The following ANKRD36C variants were observed in gnomAD, a reference collection of about 807,000 sequenced individuals.
ANKRD36C encodes the protein ankyrin repeat domain-containing protein 36C.
In ANKRD36C, 61 loss-of-function variants were observed where a neutral mutation model predicts 276.4. The ratio of observed to expected loss-of-function variants is 0.22; its 90% CI spans 0.18 to 0.27. The LOEUF is 0.27. ANKRD36C is among the 10% of genes least tolerant of loss of function. The pLI is 1.00. For synonymous variants in ANKRD36C, 483 were observed against 680.1 expected, an observed-to-expected ratio of 0.71 and a Z score of 4.51; for missense variants, 1,447 against 2,032.3, an observed-to-expected ratio of 0.71 and a Z score of 5.54.
intron 60 of ANKRD36C, among the ~76,000 whole-genome samples, chr2:95,865,574 G>A (rs1675667839): frequency 6.6e-6 from 1 of 151,988 alleles, no homozygotes; most frequent in African/African-American, 2.4e-5. Flanking sequence ...GAGATATCTT[G>A]GGGATAGGAC....
chr2:95,911,156 T>A (rs1410268720), intron 42 of ANKRD36C, among the ~76,000 whole-genome samples: 1 of 151,500 alleles, frequency 6.6e-6, no homozygotes, highest in African/African-American at 2.4e-5. Flanking sequence ...CACACCCATG[T>A]GGTGTAATAC....
chr2:95,966,724 T>A (rs1198534348), intron 6 of ANKRD36C, among the ~76,000 whole-genome samples: 1 of 152,030 alleles, frequency 6.6e-6, no homozygotes, highest in Non-Finnish European at 1.5e-5. Flanking sequence ...GCTTGATGGG[T>A]ATAGCATTGA....
rs1573824084 is a variant in ANKRD36C at position 95,991,369 on chromosome 2, C to T, written c.197+143G>A. 3 of 814,806 alleles carry T rather than the reference C, an allele frequency of 3.7e-6. No individual in the cohort carries two copies. The East Asian group carries it at 1.0e-4, about 27-fold the overall frequency. The allele number at this position is 814,806 out of a possible 1,614,324, so 50.5% of individuals were successfully genotyped here. A position where few individuals can be genotyped will look rare whatever the true frequency, so the allele number is the denominator to read the frequency against. On this transcript the variant is annotated intron_variant, in intron 1 of 66. Coordinates refer to ENST00000456556, the Ensembl canonical transcript of ANKRD36C. ...CACTCCCCAGGCCCCGCTCCACTCACTCCCACCCCAGCCAGGCACCCCCTA... is the reference window on the plus strand; with the variant it reads ...CACTCCCCAGGCCCCGCTCCACTCATTCCCACCCCAGCCAGGCACCCCCTA...
intron 13 of ANKRD36C, among the ~76,000 whole-genome samples, chr2:95,955,106 C>A (rs1295202576): frequency 6.6e-6 from 1 of 152,146 alleles, no homozygotes; most frequent in African/African-American, 2.4e-5. Flanking sequence ...TTTGTCCTAC[C>A]CTACATGTAC....
At chr2:95,867,287 A>G (rs1425974578) in intron 60 of ANKRD36C, among the ~76,000 whole-genome samples, 153 bp downstream of exon 80, 20 of 152,140 alleles carry the variant, frequency 1.3e-4, no homozygotes, top group Admixed American at 1.2e-3. Context: ...AAGGTACAAG[A>G]TACAGTTGCT....
chr2:95,921,702 TAATAAATA>T, intron 33 of ANKRD36C, 23 bp from the exon 34 acceptor site: 1 of 1,587,860 alleles, frequency 6.3e-7, no homozygotes, highest in Non-Finnish European at 8.6e-7. Context: ...TGAAAGAAAA[TAATAAATA>T]AATAAATAAA....
intron 58 of ANKRD36C, among the ~76,000 whole-genome samples, chr2:95,878,399 A>G (rs1471351470): frequency 2.6e-5 from 4 of 152,160 alleles, no homozygotes; most frequent in African/African-American, 9.7e-5. Context: ...AATCTCTAAG[A>G]CACTTTCATG....
Position 95,991,645 on chromosome 2 carries a change from A to C in ANKRD36C, c.64T>G (p.Leu22Val), listed in dbSNP as rs758354614. The C allele has an allele frequency of 1.9e-6, 3 of 1,614,042 alleles. No individual in the cohort carries two copies. The South Asian group carries it at 3.3e-5, about 18-fold the overall frequency. Residue 22 changes from leucine (L) to valine (V), a missense_variant, in exon 1 of 67, where the codon TTA becomes GTA. This residue lies in a region of ANKRD36C where 59 missense variants were observed against 73.3 expected (regional missense o/e 0.80). Transcript: ENST00000456556. ...GGTTTAATGGGGTATTGGGGAAATA[A>C]GAAGCCATCCGAGCACAAGCGGTCC...
rs865831810 is a variant in ANKRD36C at position 95,901,988 on chromosome 2, T to C, written c.2654-2652A>G. Among the ~76,000 whole-genome samples, 329 of 147,504 alleles carry C rather than the reference T, an allele frequency of 2.2e-3. 11 individuals carry two copies. Among genetic ancestry groups the C allele is most frequent in the Middle Eastern group, 0.02 (6 of 294 alleles). On this transcript the variant is annotated intron_variant, in intron 42 of 66. Coordinates refer to ENST00000456556, the Ensembl canonical transcript of ANKRD36C. Reference sequence around the variant, plus strand: ...AATCAGTTTTTCATTCAGAAATCACTGCAATATTCATTGAAAATGACCATT... The same window carrying C: ...AATCAGTTTTTCATTCAGAAATCACCGCAATATTCATTGAAAATGACCATT...
downstream of ANKRD36C, among the ~76,000 whole-genome samples, chr2:95,849,029 CT>C (rs770122632): frequency 1.3e-5 from 2 of 151,932 alleles, no homozygotes; most frequent in Non-Finnish European, 2.9e-5. Flanking sequence ...ATTTTATTGT[CT>C]TTTAGATTTT....
chr2:95,869,672 G>A (rs1253229217), intron 59 of ANKRD36C, among the ~76,000 whole-genome samples: 3 of 152,336 alleles, frequency 2.0e-5, no homozygotes, highest in African/African-American at 7.2e-5. Flanking sequence ...TGGACAGTGG[G>A]TGCAGTGCAC....
chr2:95,885,672 T>C (rs1004700756), intron 52 of ANKRD36C, among the ~76,000 whole-genome samples: 2 of 151,948 alleles, frequency 1.3e-5, no homozygotes, highest in Non-Finnish European at 2.9e-5. Flanking sequence ...AGGATCACTT[T>C]TCCCTCCGTT....
intron 6 of ANKRD36C, among the ~76,000 whole-genome samples, chr2:95,974,373 A>C (rs1285625971): frequency 6.6e-6 from 1 of 152,200 alleles, no homozygotes; most frequent in Non-Finnish European, 1.5e-5. Flanking sequence ...AATACCAGAT[A>C]TACTTTAGAA....
chr2:95,920,905 A>G (rs1245235299), intron 34 of ANKRD36C, among the ~76,000 whole-genome samples: 1 of 148,720 alleles, frequency 6.7e-6, no homozygotes, highest in African/African-American at 2.6e-5. Flanking sequence ...ATAAGTCAAC[A>G]AAACATGTAT....
intron 62 of ANKRD36C, among the ~76,000 whole-genome samples, chr2:95,856,786 A>C (rs1377805745): frequency 3.3e-5 from 5 of 152,188 alleles, no homozygotes; most frequent in African/African-American, 4.8e-5. Flanking sequence ...AAAAGGTTAA[A>C]AATATAAGCA....
At chr2:95,912,256 T>G (rs1676950813) in exon 42 of ANKRD36C, 1 of 1,551,140 alleles carries the variant, frequency 6.4e-7, no homozygotes, top group Non-Finnish European at 8.7e-7. Flanking sequence ...GTCCTAGATG[T>G]TTCTCCATCC....
chr2:95,990,639 TAGAA>T (rs1243957709), intron 1 of ANKRD36C, among the ~76,000 whole-genome samples: 1 of 152,240 alleles, frequency 6.6e-6, no homozygotes, highest in East Asian at 1.9e-4. Flanking sequence ...TTTATAAACA[TAGAA>T]AGAGCTCAGA....
At chr2:95,979,099 CA>C (rs778319998) in intron 5 of ANKRD36C, among the ~76,000 whole-genome samples, 14 of 152,110 alleles carry the variant, frequency 9.2e-5, no homozygotes, top group Non-Finnish European at 1.9e-4. Context: ...TTCCAAGATA[CA>C]TACTAATAAA....
exon 41 of ANKRD36C, chr2:95,912,432 G>A (rs1175517313): frequency 6.2e-7 from 1 of 1,605,046 alleles, no homozygotes; most frequent in South Asian, 1.1e-5. Flanking sequence ...TTTCCGAGAA[G>A]ACACTGAAAA....
Sources: gnomAD v4.1 joint callset for allele counts (sites outside exome capture counted in the v4.1 genomes callset) on GRCh38, gnomAD v4.1.1 for gene constraint, gnomAD v4.1.1 regional missense constraint, MANE v1.5 for transcripts, NCBI Gene and HGNC (gene_info 2026-07-23, HGNC 2026-07-21) for gene names.